SMCO2: variants seen among roughly 807,000 people sequenced by gnomAD.
The protein encoded by SMCO2 is single-pass membrane protein with coiled-coil domains 2.
In SMCO2, 25 loss-of-function variants were observed where a neutral mutation model predicts 29.5. The ratio of observed to expected loss-of-function variants is 0.85; its 90% CI spans 0.62 to 1.18. The LOEUF is 1.18. Ranked by LOEUF, SMCO2 falls within the 50% of genes most tolerant of loss-of-function variation. The probability of loss-of-function intolerance (pLI) is 0.00; values close to 1 mark genes in which losing one functional copy is unlikely to be tolerated. For synonymous variants in SMCO2, 117 were observed against 123.3 expected, an observed-to-expected ratio of 0.95 and a Z score of 0.34; for missense variants, 348 against 344.5, an observed-to-expected ratio of 1.01 and a Z score of -0.08.
chr12:27,430,638 C>A, the SMCO2 span, among the ~76,000 whole-genome samples: 4 of 152,140 alleles, frequency 2.6e-5, no homozygotes, highest in African/African-American at 9.7e-5. Flanking sequence ...AATCTGAATT[C>A]TCTTGCGTTG....
In SMCO2 at chr12:27,489,265, T is replaced by C. The variant is rs549477590; in HGVS notation, c.450+718T>C. Among the ~76,000 whole-genome samples, 3 of 152,276 alleles carry C rather than the reference T, an allele frequency of 2.0e-5. No homozygotes were observed. The South Asian group carries it at 6.2e-4, about 32-fold the overall frequency. On this transcript the variant is annotated intron_variant, in intron 5 of 7. Transcript: ENST00000298876. ...GGTTTCATCATGTTGGCCAGGCTGA[T>C]CTCGAACTCCTGGTCTCAAGGAATC...
chr12:27,464,956 G>A (rs207472763), upstream of SMCO2, among the ~76,000 whole-genome samples: 1 of 148,188 alleles, frequency 6.7e-6, no homozygotes, highest in Non-Finnish European at 1.5e-5. Context: ...GTGAACCTGG[G>A]AGGCAGAGCT....
chr12:27,438,823 T>C, the SMCO2 span, among the ~76,000 whole-genome samples: 3,341 of 130,286 alleles, frequency 0.026, 127 homozygotes, highest in African/African-American at 0.093. Flanking sequence ...ACTGAGATCT[T>C]CACCAGCAAC....
chr12:27,435,630 T>C, the SMCO2 span, among the ~76,000 whole-genome samples: 1 of 150,486 alleles, frequency 6.6e-6, no homozygotes, highest in East Asian at 2.0e-4. Context: ...CTACCCAGAC[T>C]GGTCCAAGGT....
rs564027570 is a variant in SMCO2, at chr12:27,501,436, AAC to A, written c.684-485_684-484del. ...GTCTCAAAAAAAAAAAAAAAAAAAA[AAC>A]AAACAAACAAAACAAAACAAAAAAA... On this transcript the variant is annotated intron_variant, in intron 7 of 7. Coordinates refer to ENST00000298876, the Ensembl canonical transcript of SMCO2. 1.7e-3 allele frequency among the ~76,000 whole-genome samples: 219 copies of A among 127,460 alleles called. 4 individuals carry two copies. The highest frequency in any genetic ancestry group is 7.6e-3 in the Middle Eastern group (2 of 262). The allele number at this position is 127,460 out of a possible 152,430, so 83.6% of individuals were successfully genotyped here.
the SMCO2 span, among the ~76,000 whole-genome samples, chr12:27,426,757 A>G: frequency 6.6e-6 from 1 of 152,214 alleles, no homozygotes; most frequent in Non-Finnish European, 1.5e-5. Context: ...TTTAACCCAA[A>G]TAACAGTAGA....
Position 27,501,795 on chromosome 12 carries a change from A to G in SMCO2, c.684-128A>G, listed in dbSNP as rs149492765. ...CCATTCCAAGCTGCTGCTTTTACAA[A>G]TGTAAACTGAAGTCAAGAGAAAATT... On this transcript the variant is annotated intron_variant, in intron 7 of 7. Transcript: ENST00000298876. 823 of 664,414 alleles carry G rather than the reference A, an allele frequency of 1.2e-3. 11 individuals are homozygous for G. The highest frequency in any genetic ancestry group is 1.8e-3 in the Non-Finnish European group (737 of 418,330). 41.2% of individuals were successfully genotyped at this position (664,414 alleles called of 1,614,324 possible).
At chr12:27,459,982 T>C in the SMCO2 span, among the ~76,000 whole-genome samples, 1 of 152,346 alleles carries the variant, frequency 6.6e-6, no homozygotes, top group Admixed American at 6.5e-5. Flanking sequence ...GAATACATAT[T>C]GGGAAATAAG....
chr12:27,446,622 G>A, the SMCO2 span: 1 of 152,098 alleles, frequency 6.6e-6, no homozygotes, highest in Non-Finnish European at 1.5e-5. Flanking sequence ...CTATCAAGAT[G>A]ATGTTGATCC....
intron 6 of SMCO2, among the ~76,000 whole-genome samples, chr12:27,494,992 G>C (rs1045890809): frequency 1.3e-5 from 2 of 151,944 alleles, no homozygotes; most frequent in African/African-American, 4.8e-5. Context: ...TCTTCATTGA[G>C]ACCTCTCCTA....
At chr12:27,464,735 A>AAAAAATAAAAAAAT (rs1949484416), upstream of SMCO2, among the ~76,000 whole-genome samples, 1 of 149,684 alleles carries the variant, frequency 6.7e-6, no homozygotes, top group African/African-American at 2.5e-5. Flanking sequence ...AAAAAAAAAA[A>AAAAAATAAAAAAAT]AAAAGTCTGG....
chr12:27,477,299 C>A (rs1013518327), intron 4 of SMCO2, among the ~76,000 whole-genome samples: 1 of 145,378 alleles, frequency 6.9e-6, no homozygotes, highest in African/African-American at 2.5e-5. Flanking sequence ...TGCTGAGAAA[C>A]CTGCTGTTAG....
the SMCO2 span, among the ~76,000 whole-genome samples, chr12:27,444,256 T>C: frequency 6.6e-6 from 1 of 152,208 alleles, no homozygotes; most frequent in Non-Finnish European, 1.5e-5. Context: ...AAGGACAGTC[T>C]TTCCAATAAA....
the SMCO2 span, among the ~76,000 whole-genome samples, chr12:27,437,328 A>C: frequency 2.6e-5 from 4 of 152,226 alleles, no homozygotes; most frequent in African/African-American, 9.6e-5. Flanking sequence ...AGTTAGAGCC[A>C]ACACCTTTTG....
upstream of SMCO2, among the ~76,000 whole-genome samples, chr12:27,464,337 C>T (rs180885103): frequency 3.1e-4 from 47 of 152,244 alleles, no homozygotes; most frequent in African/African-American, 9.6e-4. Flanking sequence ...TGGCAGCATT[C>T]AGGGGCTGGC....
At chr12:27,437,545 G>A in the SMCO2 span, among the ~76,000 whole-genome samples, 11 of 152,094 alleles carry the variant, frequency 7.2e-5, no homozygotes, top group South Asian at 6.2e-4. Flanking sequence ...TTCCCAAAGC[G>A]TAGATTTCAT....
chr12:27,463,780 C>A (rs1399349725), upstream of SMCO2, among the ~76,000 whole-genome samples: 1 of 152,106 alleles, frequency 6.6e-6, no homozygotes, highest in Non-Finnish European at 1.5e-5. Flanking sequence ...ATACCACAAG[C>A]AGTTAAAATA....
At chr12:27,462,428 T>G (rs1949465650), upstream of SMCO2, among the ~76,000 whole-genome samples, 2 of 152,214 alleles carry the variant, frequency 1.3e-5, no homozygotes, top group African/African-American at 4.8e-5. Flanking sequence ...ACTTCCCAGA[T>G]GTACAATGAA....
the SMCO2 span, among the ~76,000 whole-genome samples, chr12:27,444,325 C>G: frequency 0.028 from 4,334 of 152,182 alleles, 155 homozygotes; most frequent in African/African-American, 0.082. Context: ...CCTTATCTCT[C>G]AACATATACA....
Sources: allele counts gnomAD v4.1 joint callset (sites outside exome capture counted in the v4.1 genomes callset), GRCh38; gene constraint gnomAD v4.1.1; transcripts MANE v1.5; gene names NCBI Gene and HGNC (gene_info 2026-07-23, HGNC 2026-07-21).